Variants in DTWD2 observed in about 807,000 individuals in gnomAD.
DTWD2 encodes DTW motif tRNA-uridine aminocarboxypropyltransferase 2, also known as tRNA-uridine aminocarboxypropyltransferase 2.
In DTWD2, 39 loss-of-function variants were observed where a neutral mutation model predicts 31.8. That is an observed-to-expected ratio of 1.22 (90% confidence interval 0.95 to 1.60). The LOEUF is 1.60. Ranked by LOEUF, DTWD2 falls within the 40% of genes most tolerant of loss-of-function variation. The pLI is 0.00. For synonymous variants in DTWD2, 180 were observed against 142.8 expected (o/e 1.26, Z -1.86); for missense variants, 515 against 381.5 (o/e 1.35, Z -2.92).
Position 118,860,356 on chromosome 5 carries a change from T to C in DTWD2, c.598-12138A>G, listed in dbSNP as rs543354611. Among the ~76,000 whole-genome samples, 168 of 151,568 alleles carry C rather than the reference T, an allele frequency of 1.1e-3. 2 individuals carry two copies. The highest frequency in any genetic ancestry group is 3.8e-3 in the African/African-American group (156 of 41,446). Reference sequence around the variant, plus strand: ...TAAATTACTCTTAAAAGTATCTAAATATCATTCCTTTTCATATTTTTTATA... The same window carrying C: ...TAAATTACTCTTAAAAGTATCTAAACATCATTCCTTTTCATATTTTTTATA... On this transcript the variant is annotated intron_variant, in intron 4 of 5. Coordinates refer to ENST00000510708, the MANE Select transcript of DTWD2 (RefSeq NM_173666.4).
At chr5:118,856,763 A>ATTT (rs1752143295) in intron 4 of DTWD2, among the ~76,000 whole-genome samples, 3 of 71,066 alleles carry the variant, frequency 4.2e-5, no homozygotes, top group Non-Finnish European at 5.8e-5. Context: ...ATTGAGGCTT[A>ATTT]CTTTTTTTTT....
chr5:118,858,526 A>C (rs747439799), intron 4 of DTWD2, among the ~76,000 whole-genome samples: 10 of 152,186 alleles, frequency 6.6e-5, no homozygotes, highest in Non-Finnish European at 1.3e-4. Context: ...GTATTACTGA[A>C]CTTTTCAAAC....
At chr5:118,983,335 CA>C (rs1191402527) in intron 1 of DTWD2, among the ~76,000 whole-genome samples, 1 of 152,172 alleles carries the variant, frequency 6.6e-6, no homozygotes, top group Non-Finnish European at 1.5e-5. Flanking sequence ...CCCACTGTCA[CA>C]AAAGCCAGAA....
chr5:118,916,554 A>G (rs1580804583), intron 4 of DTWD2, among the ~76,000 whole-genome samples: 2 of 151,986 alleles, frequency 1.3e-5, no homozygotes, highest in African/African-American at 4.8e-5. Context: ...AATCCCAGCT[A>G]CTTGGGAGGT....
intron 1 of DTWD2, among the ~76,000 whole-genome samples, chr5:118,951,211 G>T (rs1400992784): frequency 6.6e-6 from 1 of 152,172 alleles, no homozygotes; most frequent in African/African-American, 2.4e-5. Flanking sequence ...GCCGGACTGG[G>T]TGTGAGGAGA....
At chr5:118,855,224 T>C (rs1752103449) in intron 4 of DTWD2, among the ~76,000 whole-genome samples, 2 of 144,282 alleles carry the variant, frequency 1.4e-5, no homozygotes, top group Admixed American at 1.4e-4. Flanking sequence ...AAATATGTAA[T>C]TACAAGAAGT....
chr5:118,875,586 G>C, intron 4 of DTWD2, among the ~76,000 whole-genome samples: 1 of 74,050 alleles, frequency 1.4e-5, no homozygotes, highest in Non-Finnish European at 2.8e-5. Context: ...AAAAAAAAAA[G>C]ACTTTAAACC....
intron 4 of DTWD2, among the ~76,000 whole-genome samples, chr5:118,912,563 G>C (rs1753480465): frequency 6.6e-6 from 1 of 152,086 alleles, no homozygotes; most frequent in Non-Finnish European, 1.5e-5. Context: ...TGCCCATATT[G>C]TTTTACTCTA....
intron 1 of DTWD2, among the ~76,000 whole-genome samples, chr5:118,960,033 G>A (rs1754672705): frequency 6.6e-6 from 1 of 152,102 alleles, no homozygotes; most frequent in Admixed American, 6.5e-5. Context: ...CTAGGCACTG[G>A]CAAAGAATTT....
At chr5:118,966,421 G>GA (rs1269192967) in intron 1 of DTWD2, among the ~76,000 whole-genome samples, 1 of 152,048 alleles carries the variant, frequency 6.6e-6, no homozygotes, top group South Asian at 2.1e-4. Flanking sequence ...TTTGTGTTCA[G>GA]AAAAAATATA....
chr5:118,866,694 G>A (rs762662982), intron 4 of DTWD2, among the ~76,000 whole-genome samples: 12 of 152,032 alleles, frequency 7.9e-5, no homozygotes, highest in African/African-American at 2.4e-4. Flanking sequence ...CAAGAAGGGC[G>A]AATCATGAGG....
At chr5:118,944,279 C>CA (rs1279289690) in intron 2 of DTWD2, among the ~76,000 whole-genome samples, 1 of 152,164 alleles carries the variant, frequency 6.6e-6, no homozygotes, top group Non-Finnish European at 1.5e-5. Context: ...TCTTTATTCA[C>CA]AAAACCTCAT....
chr5:118,919,391 TC>T (rs1753651805), intron 4 of DTWD2, among the ~76,000 whole-genome samples: 1 of 152,206 alleles, frequency 6.6e-6, no homozygotes, highest in African/African-American at 2.4e-5. Flanking sequence ...AGCAAATGAC[TC>T]AGGTTTTATT....
rs766125675 is a variant in DTWD2, at chr5:118,988,435, G to C, written c.77C>G (p.Pro26Arg). ...RPSGASSSQT[P>R]NDKERREGGA... ...GCCCTCCCGCCGCTCCTTGTCGTTCGGCGTCTGAGAGCTTGAGGCCCCAGA... is the reference window on the plus strand; with the variant it reads ...GCCCTCCCGCCGCTCCTTGTCGTTCCGCGTCTGAGAGCTTGAGGCCCCAGA... The change falls in exon 1 of 6, where the codon CCG becomes CGG. Residue 26 changes from proline to arginine, a missense_variant. Coordinates refer to ENST00000510708, the MANE Select transcript of DTWD2 (RefSeq NM_173666.4). The C allele has an allele frequency of 3.1e-6, 5 of 1,607,108 alleles. No individual in the cohort carries two copies. The highest frequency in any genetic ancestry group is 4.2e-6 in the Non-Finnish European group (5 of 1,178,252).
intron 1 of DTWD2, among the ~76,000 whole-genome samples, chr5:118,958,970 T>C (rs1754650023): frequency 6.6e-6 from 1 of 152,312 alleles, no homozygotes; most frequent in Admixed American, 6.5e-5. Context: ...GAGCCATCTA[T>C]GCCAAACCCA....
intron 4 of DTWD2, among the ~76,000 whole-genome samples, chr5:118,915,451 T>C (rs1356601588): frequency 2.7e-5 from 4 of 150,914 alleles, no homozygotes; most frequent in East Asian, 2.0e-4. Context: ...CTCGGCTCAC[T>C]GCAAGCTCCA....
intron 4 of DTWD2, among the ~76,000 whole-genome samples, chr5:118,851,695 G>T (rs866776785): frequency 2.4e-5 from 3 of 124,890 alleles, no homozygotes; most frequent in Non-Finnish European, 3.3e-5. Context: ...GTTGTGGGGT[G>T]GGGGGAGGGG....
At chr5:118,842,156 T>C (rs1751733797) in intron 5 of DTWD2, among the ~76,000 whole-genome samples, 1 of 152,206 alleles carries the variant, frequency 6.6e-6, no homozygotes. Flanking sequence ...CTTTAATTTA[T>C]AATGAAATTA....
chr5:118,911,489 C>T (rs1370337078), intron 4 of DTWD2, among the ~76,000 whole-genome samples: 1 of 152,134 alleles, frequency 6.6e-6, no homozygotes, highest in African/African-American at 2.4e-5. Flanking sequence ...TATGATCCAG[C>T]AATCCTACTT....
Sources: allele counts gnomAD v4.1 joint callset (sites outside exome capture counted in the v4.1 genomes callset), GRCh38; gene constraint gnomAD v4.1.1; transcripts MANE v1.5; gene names NCBI Gene and HGNC (gene_info 2026-07-23, HGNC 2026-07-21).